Variants in PDE4D observed in about 807,000 individuals in gnomAD.
PDE4D encodes phosphodiesterase 4D.
Under a neutral mutation model 87.4 loss-of-function variants are expected in PDE4D, and 24 were observed. The ratio of observed to expected loss-of-function variants is 0.27; its 90% CI spans 0.20 to 0.39. PDE4D has a LOEUF of 0.39. PDE4D is among the 10% of genes least tolerant of loss of function. The pLI is 1.00. For synonymous variants in PDE4D, 384 were observed against 383.2 expected (o/e 1.00, Z -0.02); for missense variants, 714 against 1,041.0 (o/e 0.69, Z 4.32).
intron 1 of PDE4D, among the ~76,000 whole-genome samples, chr5:59,627,410 A>G (rs1831022011): frequency 6.6e-6 from 1 of 152,210 alleles, no homozygotes; most frequent in African/African-American, 2.4e-5. Flanking sequence ...TCTTTTTCCA[A>G]AACTGGAGCA....
intron 1 of PDE4D, among the ~76,000 whole-genome samples, chr5:59,670,823 TC>T (rs1181219004): frequency 2.6e-5 from 4 of 152,252 alleles, no homozygotes; most frequent in African/African-American, 9.6e-5. Flanking sequence ...ATTATTATTC[TC>T]ATGAGAGTTT....
intron 5 of PDE4D, among the ~76,000 whole-genome samples, chr5:59,056,269 A>G (rs1762342112): frequency 1.3e-5 from 2 of 152,212 alleles, no homozygotes; most frequent in African/African-American, 4.8e-5. Context: ...CAGTTCTCCA[A>G]ATTCTCTAAA....
At chr5:59,281,094 G>A (rs138523126) in intron 1 of PDE4D, among the ~76,000 whole-genome samples, 36 of 152,250 alleles carry the variant, frequency 2.4e-4, no homozygotes, top group Non-Finnish European at 2.9e-4. Flanking sequence ...CTGAAAAAGA[G>A]TGAGGGCTTA....
chr5:59,152,018 T>C (rs1042707686), intron 5 of PDE4D, among the ~76,000 whole-genome samples: 18 of 152,030 alleles, frequency 1.2e-4, no homozygotes, highest in Non-Finnish European at 2.2e-4. Context: ...TGAACTGAGA[T>C]AAAATTTGAG....
At chr5:59,189,618 C>T (rs919307838) in intron 3 of PDE4D, among the ~76,000 whole-genome samples, 7 of 152,086 alleles carry the variant, frequency 4.6e-5, no homozygotes, top group South Asian at 2.1e-4. Context: ...AGTTTATCAG[C>T]ATTGTGCCTC....
At chr5:59,287,409 G>A (rs535006453) in intron 1 of PDE4D, among the ~76,000 whole-genome samples, 23 of 152,148 alleles carry the variant, frequency 1.5e-4, no homozygotes, top group East Asian at 9.7e-4. Flanking sequence ...ATAGAGTACC[G>A]GTAGATTCCT....
intron 3 of PDE4D, among the ~76,000 whole-genome samples, chr5:59,984,891 A>T (rs923452209): frequency 1.3e-5 from 2 of 152,146 alleles, no homozygotes; most frequent in Non-Finnish European, 2.9e-5. Flanking sequence ...TCTGGAGGGC[A>T]TGAAAAGTCG....
chr5:60,210,616 C>A (rs77556595), intron 1 of PDE4D, among the ~76,000 whole-genome samples: 6 of 151,912 alleles, frequency 3.9e-5, no homozygotes, highest in Non-Finnish European at 7.4e-5. Flanking sequence ...AAGGATACAC[C>A]CCCCTCCCCA....
chr5:59,165,196 T>C (rs1781741701), intron 5 of PDE4D: 1 of 152,238 alleles, frequency 6.6e-6, no homozygotes, highest in Non-Finnish European at 1.5e-5. Context: ...TGTATCCCTA[T>C]TAGATAATCT....
At chr5:60,340,087 A>T (rs1758172147) in intron 1 of PDE4D, among the ~76,000 whole-genome samples, 1 of 152,190 alleles carries the variant, frequency 6.6e-6, no homozygotes, top group African/African-American at 2.4e-5. Flanking sequence ...AGCGCCTAAA[A>T]ACTGGCACAA....
intron 1 of PDE4D, among the ~76,000 whole-genome samples, chr5:60,330,909 G>C (rs1216183393): frequency 6.6e-6 from 1 of 152,172 alleles, no homozygotes. Flanking sequence ...TGGATCAGGA[G>C]TGAACTGTCC....
rs760150653 is a variant in PDE4D at position 59,603,944 on chromosome 5, A to T, written c.455+289224T>A. 2.7e-4 allele frequency among the ~76,000 whole-genome samples: 41 copies of T among 152,036 alleles called. 1 individual carries two copies. The highest frequency in any genetic ancestry group is 5.6e-4 in the Non-Finnish European group (38 of 67,942). On this transcript the variant is annotated intron_variant, in intron 1 of 14. Coordinates refer to ENST00000340635, the MANE Select transcript of PDE4D (RefSeq NM_001104631.2). ...CAAAAATAACCATGTGAGTTAATGCATGTTAATTTTCTAGATTTAGTCAGT... is the reference window on the plus strand; with the variant it reads ...CAAAAATAACCATGTGAGTTAATGCTTGTTAATTTTCTAGATTTAGTCAGT...
intron 1 of PDE4D, among the ~76,000 whole-genome samples, chr5:59,319,467 T>C (rs1774334358): frequency 6.6e-6 from 1 of 152,088 alleles, no homozygotes; most frequent in African/African-American, 2.4e-5. Flanking sequence ...GAAACAGACA[T>C]TTGCTCACAG....
At chr5:59,835,230 C>T (rs933363606) in intron 1 of PDE4D, among the ~76,000 whole-genome samples, 2 of 151,954 alleles carry the variant, frequency 1.3e-5, no homozygotes, top group Non-Finnish European at 2.9e-5. Flanking sequence ...ATAATCATTC[C>T]CAAGACAACT....
intron 1 of PDE4D, among the ~76,000 whole-genome samples, chr5:59,364,100 T>C (rs1782669765): frequency 6.6e-6 from 1 of 152,226 alleles, no homozygotes; most frequent in Admixed American, 6.5e-5. Context: ...TGTTATTTGT[T>C]TTTGTTTTGT....
At chr5:59,282,411 C>T (rs893488830) in intron 1 of PDE4D, among the ~76,000 whole-genome samples, 8 of 151,740 alleles carry the variant, frequency 5.3e-5, no homozygotes, top group Non-Finnish European at 7.4e-5. Context: ...GAGGCCGAGA[C>T]GGGTGGATCA....
At chr5:59,124,519 C>T (rs10068809) in intron 5 of PDE4D, among the ~76,000 whole-genome samples, 29,421 of 152,114 alleles carry the variant, frequency 0.19, 3,538 homozygotes, top group African/African-American at 0.33. Context: ...TCTTTGAGAT[C>T]CCTTCTTAAA....
chr5:59,422,418 T>C (rs1433172869), intron 1 of PDE4D, among the ~76,000 whole-genome samples: 4 of 152,182 alleles, frequency 2.6e-5, no homozygotes, highest in Non-Finnish European at 2.9e-5. Context: ...AGGCTGTTAG[T>C]AGATTGTTCA....
chr5:59,974,717 T>A (rs188897746), intron 3 of PDE4D, among the ~76,000 whole-genome samples: 1 of 152,316 alleles, frequency 6.6e-6, no homozygotes, highest in Admixed American at 6.5e-5. Context: ...CATAATCATA[T>A]CTCAGACAAC....
Sources: gnomAD v4.1 joint callset for allele counts (sites outside exome capture counted in the v4.1 genomes callset) on GRCh38, gnomAD v4.1.1 for gene constraint, MANE v1.5 for transcripts, NCBI Gene and HGNC (gene_info 2026-07-23, HGNC 2026-07-21) for gene names.